FSTL4: variants seen among roughly 807,000 people sequenced by gnomAD.
The protein encoded by FSTL4 is follistatin like 4, also known as follistatin-related protein 4.
In FSTL4, 28 loss-of-function variants were observed where a neutral mutation model predicts 78.2. The ratio of observed to expected loss-of-function variants is 0.36; its 90% CI spans 0.27 to 0.49. The LOEUF is 0.49. FSTL4 is among the 20% of genes least tolerant of loss of function. FSTL4 has a pLI of 0.98. For missense variants in FSTL4, 922 were observed against 1,084.9 expected (o/e 0.85, Z 2.11); for synonymous variants, 422 against 440.5 (o/e 0.96, Z 0.53).
the FSTL4 span, among the ~76,000 whole-genome samples, chr5:133,717,933 C>A: frequency 6.6e-6 from 1 of 152,146 alleles, no homozygotes; most frequent in Non-Finnish European, 1.5e-5. Context: ...GGGTAAATAC[C>A]TAGAAGTGAA....
the FSTL4 span, among the ~76,000 whole-genome samples, chr5:133,644,529 G>C: frequency 6.6e-6 from 1 of 152,206 alleles, no homozygotes; most frequent in South Asian, 2.1e-4. Flanking sequence ...TAATTGTTGG[G>C]ATGAGGATAC....
At chr5:133,304,455 C>T (rs1433074544) in intron 6 of FSTL4, among the ~76,000 whole-genome samples, 1 of 152,084 alleles carries the variant, frequency 6.6e-6, no homozygotes, top group Non-Finnish European at 1.5e-5. Flanking sequence ...TCCTGCCTCT[C>T]CCTCCAAGAG....
the FSTL4 span, among the ~76,000 whole-genome samples, chr5:133,724,383 G>A: frequency 5.9e-5 from 9 of 152,036 alleles, 1 homozygote; most frequent in East Asian, 1.7e-3. Context: ...TGACCATCCT[G>A]GGTTTCTGTG....
At chr5:133,416,440 G>A (rs184533983) in intron 3 of FSTL4, among the ~76,000 whole-genome samples, 2 of 152,292 alleles carry the variant, frequency 1.3e-5, no homozygotes, top group East Asian at 3.9e-4. Context: ...TCTGATTACA[G>A]AATTGAGACA....
At chr5:133,210,674 A>G (rs538866929) in intron 13 of FSTL4, among the ~76,000 whole-genome samples, 124 of 151,916 alleles carry the variant, frequency 8.2e-4, no homozygotes, top group Non-Finnish European at 1.1e-3. Flanking sequence ...TATTTTTAGT[A>G]GAGATGGGAT....
chr5:133,508,943 A>C (rs1580754489), intron 3 of FSTL4, among the ~76,000 whole-genome samples: 1 of 152,256 alleles, frequency 6.6e-6, no homozygotes, highest in Non-Finnish European at 1.5e-5. Flanking sequence ...CTCATATATA[A>C]GGTAAGTGTT....
chr5:133,510,418 T>A (rs1199170914), intron 3 of FSTL4, among the ~76,000 whole-genome samples: 1 of 152,204 alleles, frequency 6.6e-6, no homozygotes, highest in Non-Finnish European at 1.5e-5. Flanking sequence ...GGACTGTGCA[T>A]GGATATTCCC....
At chr5:133,468,313 C>T (rs981844380) in intron 3 of FSTL4, among the ~76,000 whole-genome samples, 1 of 152,214 alleles carries the variant, frequency 6.6e-6, no homozygotes, top group Admixed American at 6.5e-5. Flanking sequence ...CAGATGACTC[C>T]ATCCCACTGA....
chr5:133,767,454 C>A, the FSTL4 span, among the ~76,000 whole-genome samples: 1 of 152,170 alleles, frequency 6.6e-6, no homozygotes, highest in African/African-American at 2.4e-5. Flanking sequence ...AGGGCATCAA[C>A]AGGATCTGCT....
At chr5:133,712,638 G>A in the FSTL4 span, among the ~76,000 whole-genome samples, 1 of 152,232 alleles carries the variant, frequency 6.6e-6, no homozygotes, top group Non-Finnish European at 1.5e-5. Flanking sequence ...GGCCTGCAAA[G>A]GTCACTTCCA....
chr5:133,278,190 C>T (rs1752930175), intron 6 of FSTL4, among the ~76,000 whole-genome samples: 1 of 152,182 alleles, frequency 6.6e-6, no homozygotes, highest in South Asian at 2.1e-4. Flanking sequence ...GGTCCCATGA[C>T]TGGCTGCAAG....
intron 2 of FSTL4, among the ~76,000 whole-genome samples, chr5:133,599,333 C>A (rs369683): frequency 0.093 from 14,131 of 151,950 alleles, 799 homozygotes; most frequent in African/African-American, 0.15. Context: ...GGGAAGGGGC[C>A]GGTCAGTCAG....
the FSTL4 span, among the ~76,000 whole-genome samples, chr5:133,779,148 A>G: frequency 1.3e-5 from 2 of 152,156 alleles, no homozygotes; most frequent in Non-Finnish European, 2.9e-5. Flanking sequence ...CCAATCCTCC[A>G]GAACAAATCC....
rs1005208310 is a variant in FSTL4 at position 133,361,508 on chromosome 5, C to T, written c.409+39230G>A. 3.9e-5 allele frequency among the ~76,000 whole-genome samples: 6 copies of T among 152,214 alleles called. No individual in the cohort carries two copies. The highest frequency in any genetic ancestry group is 2.6e-4 in the Admixed American group (4 of 15,274). The stretch of plus-strand genomic sequence containing the variant: ...AGGATCTCAGGGCTCCCTGGAGCAT[C>T]AGACCAGCACATCTTGGCCAAAACG... On this transcript the variant is annotated intron_variant, in intron 4 of 15. Transcript: ENST00000265342. This position sits in a 1 kb window ranked among gnomAD's most constrained non-coding sequence, Gnocchi z 4.3.
the FSTL4 span, among the ~76,000 whole-genome samples, chr5:133,649,387 TC>T: frequency 1.3e-5 from 2 of 152,220 alleles, no homozygotes; most frequent in Non-Finnish European, 2.9e-5. Context: ...AGGAGTGTGA[TC>T]ACTGAATCTT....
At chr5:133,518,236 A>G (rs772368003) in intron 3 of FSTL4, among the ~76,000 whole-genome samples, 10 of 152,250 alleles carry the variant, frequency 6.6e-5, no homozygotes, top group Non-Finnish European at 1.2e-4. Context: ...AATACTTGCA[A>G]AATGTTTGCT....
At chr5:133,673,487 C>T in the FSTL4 span, among the ~76,000 whole-genome samples, 4 of 152,204 alleles carry the variant, frequency 2.6e-5, no homozygotes, top group Admixed American at 6.5e-5. Flanking sequence ...GTCAGCACAC[C>T]TGTCACTCAA....
At chr5:133,655,568 T>C in the FSTL4 span, among the ~76,000 whole-genome samples, 1 of 152,170 alleles carries the variant, frequency 6.6e-6, no homozygotes, top group Non-Finnish European at 1.5e-5. Context: ...CCAGGCCTTG[T>C]ACTAGGAACT....
chr5:133,254,791 C>T (rs929854565), intron 6 of FSTL4, among the ~76,000 whole-genome samples: 10 of 152,208 alleles, frequency 6.6e-5, no homozygotes, highest in African/African-American at 2.4e-4. Flanking sequence ...ACTAAGCAAA[C>T]CCCATCATCC....
Sources: gnomAD v4.1 joint callset for allele counts (sites outside exome capture counted in the v4.1 genomes callset) on GRCh38, gnomAD v4.1.1 for gene constraint, Gnocchi (gnomAD v3.1) non-coding constraint, MANE v1.5 for transcripts, NCBI Gene and HGNC (gene_info 2026-07-23, HGNC 2026-07-21) for gene names.